Variants in ZNF665 observed in about 807,000 individuals in gnomAD.
ZNF665 encodes zinc finger protein 665.
Under a neutral mutation model 7.9 loss-of-function variants are expected in ZNF665, and 6 were observed. The observed-to-expected ratio is 0.76, with a 90% CI of 0.42 to 1.50. ZNF665 has a LOEUF of 1.50. ZNF665 is among the 40% of genes most tolerant of loss of function. ZNF665 has a pLI of 0.01. For synonymous variants in ZNF665, 242 were observed against 274.5 expected, an observed-to-expected ratio of 0.88 and a Z score of 1.17; for missense variants, 819 against 806.7, an observed-to-expected ratio of 1.02 and a Z score of -0.18.
rs780253052 is a variant in ZNF665 at position 53,165,541 on chromosome 19, G to T, written c.949C>A (p.Pro317Thr). The T allele has an allele frequency of 4.3e-6, 7 of 1,614,018 alleles. No homozygotes were observed. Among genetic ancestry groups the T allele is most frequent in the Non-Finnish European group, 5.9e-6 (7 of 1,180,012 alleles). The change falls in exon 4 of 4, where the codon CCT becomes ACT. Residue 317 changes from proline to threonine, a missense_variant. Transcript: ENST00000396424. ...SHRRIHTGEK[P>T]YKCNECGKAF... ...TTGCCACACTCATTACACTTGTAAG[G>T]CTTCTCCCCAGTATGAATTCTTCGA...
At chr19:53,176,025 G>T (rs950328562) in intron 2 of ZNF665, among the ~76,000 whole-genome samples, 2 of 152,122 alleles carry the variant, frequency 1.3e-5, no homozygotes. Flanking sequence ...GCCGGGCATG[G>T]TGGTGCGTAC....
chr19:53,165,494 G>C lies in ZNF665; in HGVS notation c.996C>G (p.Ser332Arg), dbSNP rs759078581. ...TGTGGATTGTCTGATGGGTAGTCAG[G>C]CTTGAGCGAACACTAAAGGCTTTGC... ...ECGKAFSVRS[S>R]LTTHQTIHTG... Residue 332 changes from serine to arginine, a missense_variant, in exon 4 of 4, where the codon AGC becomes AGG. By Grantham distance (110) the Ser-to-Arg change is moderately radical. Coordinates refer to ENST00000396424, the MANE Select transcript of ZNF665 (RefSeq NM_024733.5). The C allele has an allele frequency of 9.3e-6, 15 of 1,613,706 alleles. No homozygotes were observed. The highest frequency in any genetic ancestry group is 1.3e-5 in the Non-Finnish European group (15 of 1,179,884).
chr19:53,174,899 C>T (rs1246251842), intron 3 of ZNF665, among the ~76,000 whole-genome samples: 4 of 145,716 alleles, frequency 2.7e-5, no homozygotes, highest in Non-Finnish European at 4.5e-5. Flanking sequence ...GATCCGAGAT[C>T]GTGCCATTGC....
intron 1 of ZNF665, among the ~76,000 whole-genome samples, chr19:53,184,521 C>T (rs2090762153): frequency 6.6e-6 from 1 of 152,048 alleles, no homozygotes; most frequent in Admixed American, 6.6e-5. Context: ...GAGGAGACAA[C>T]TGGACAAAGG....
chr19:53,185,490 A>G (rs2090771461), intron 1 of ZNF665, among the ~76,000 whole-genome samples: 4 of 152,080 alleles, frequency 2.6e-5, no homozygotes, highest in Admixed American at 2.6e-4. Context: ...GCTACAAACA[A>G]ATGATTAATG....
In ZNF665 at chr19:53,165,252, TG is replaced by T. The variant is rs1364713337; in HGVS notation, c.1237del (p.Gln413SerfsTer5). The stretch of plus-strand genomic sequence containing the variant: ...TCGATGATTTGCTAAGTGTGAATAC[TG>T]AGTGAAAACCTTGACGCATTCATTA... ...KCNECVKVFT[Q>X]YSHLANHRRI... On this transcript the variant is annotated frameshift_variant, in exon 4 of 4. Coordinates refer to ENST00000396424, the MANE Select transcript of ZNF665 (RefSeq NM_024733.5). LOFTEE classifies it low-confidence loss of function (END_TRUNC). 10 of 1,614,144 alleles carry T rather than the reference TG, an allele frequency of 6.2e-6. No homozygotes were observed. The highest frequency in any genetic ancestry group is 8.5e-6 in the Non-Finnish European group (10 of 1,180,020).
chr19:53,182,710 T>G, intron 2 of ZNF665, 174 bp downstream of exon 2: 1 of 1,239,444 alleles, frequency 8.1e-7, no homozygotes, highest in East Asian at 2.4e-5. Context: ...TTCATGTCAC[T>G]GGGTCACCAG....
chr19:53,169,394 G>C lies in ZNF665; in HGVS notation c.143-3047C>G, dbSNP rs529966127. ...TTAGAAAGGCTGGAATTTAAAACTAGCAATACCAAGTGTTAACAAGGATGT... is the reference window on the plus strand; with the variant it reads ...TTAGAAAGGCTGGAATTTAAAACTACCAATACCAAGTGTTAACAAGGATGT... On this transcript the variant is annotated intron_variant, in intron 3 of 3. Transcript: ENST00000396424. Among the ~76,000 whole-genome samples, 261 of 151,256 alleles carry C rather than the reference G, an allele frequency of 1.7e-3. 1 individual carries two copies. Among genetic ancestry groups the C allele is most frequent in the Middle Eastern group, 0.01 (3 of 292 alleles).
At chr19:53,169,086 A>C (rs949870808) in intron 3 of ZNF665, among the ~76,000 whole-genome samples, 1 of 152,150 alleles carries the variant, frequency 6.6e-6, no homozygotes, top group African/African-American at 2.4e-5. Context: ...AAAAGAAAAA[A>C]AAGAATTAAT....
intron 1 of ZNF665, among the ~76,000 whole-genome samples, chr19:53,189,341 A>G (rs56254432): frequency 0.079 from 12,003 of 151,228 alleles, 1,253 homozygotes; most frequent in African/African-American, 0.24. Flanking sequence ...CCACCAATGC[A>G]CGGAGACCGG....
At chr19:53,177,396 G>A (rs1461700230) in intron 2 of ZNF665, among the ~76,000 whole-genome samples, 2 of 151,944 alleles carry the variant, frequency 1.3e-5, no homozygotes, top group Admixed American at 6.6e-5. Context: ...TCAGGAGTTC[G>A]AGACCAACCT....
At chr19:53,191,019 A>T (rs1194656208) in intron 1 of ZNF665, among the ~76,000 whole-genome samples, 1 of 138,516 alleles carries the variant, frequency 7.2e-6, no homozygotes, top group Non-Finnish European at 1.5e-5. Flanking sequence ...GCAAATTAAT[A>T]GCACCTCAGG....
chr19:53,174,950 AAAAAAAAAAAAGAAAGAAAAGAAAGAAAG>A lies in ZNF665; in HGVS notation c.142+466_142+494del, dbSNP rs2090685148. 4.7e-5 allele frequency among the ~76,000 whole-genome samples: 7 copies of A among 150,138 alleles called. No individual in the cohort carries two copies. In the South Asian group the frequency reaches 1.5e-3, roughly 31 times the overall value. On this transcript the variant is annotated intron_variant, in intron 3 of 3. Coordinates refer to ENST00000396424, the MANE Select transcript of ZNF665 (RefSeq NM_024733.5). ...ACAAGGGTGAAACTCCGTCTCAAAA[AAAAAAAAAAAAGAAAGAAAAGAAAGAAAG>A]AAAAAAAAAAAGAAATATAATGTGC...
intron 1 of ZNF665, among the ~76,000 whole-genome samples, chr19:53,184,042 G>A (rs2090758391): frequency 6.6e-6 from 1 of 152,122 alleles, no homozygotes. Context: ...TTGAGCTCAG[G>A]AGTTTGAGAC....
In ZNF665 at chr19:53,165,146, A is replaced by C. The variant is rs200870552; in HGVS notation, c.1344T>G (p.His448Gln). 302 of 1,613,996 alleles carry C rather than the reference A, an allele frequency of 1.9e-4. 1 individual carries two copies. The highest frequency in any genetic ancestry group is 8.2e-4 in the Middle Eastern group (5 of 6,084). Residue 448 changes from histidine to glutamine, a missense_variant, in exon 4 of 4, where the codon CAT (histidine) becomes CAG (glutamine). His to Gln is a conservative substitution (Grantham distance 24, BLOSUM62 0). Transcript: ENST00000396424. ...AFSVRSSLTT[H>Q]QAIHTGEKPY... ...GCTTTTCTCCAGTATGAATTGCCTG[A>C]TGGGTAGTTAGGCTTGATCGCACAC...
At chr19:53,175,334 A>G (rs1449738244) in intron 3 of ZNF665, 111 bp downstream of exon 3, 4 of 1,351,414 alleles carry the variant, frequency 3.0e-6, no homozygotes, top group African/African-American at 3.0e-5. Flanking sequence ...TTATGAGTCA[A>G]CAGGACATCA....
At chr19:53,166,446 T>C (rs771016053) in intron 3 of ZNF665, 99 bp from the exon 4 acceptor site, 60 of 1,094,338 alleles carry the variant, frequency 5.5e-5, no homozygotes, top group Non-Finnish European at 6.9e-5. Context: ...GTAATAGTTA[T>C]GTTGAACAGA....
intron 1 of ZNF665, among the ~76,000 whole-genome samples, chr19:53,190,582 C>T (rs2090809429): frequency 6.6e-6 from 1 of 152,184 alleles, no homozygotes; most frequent in African/African-American, 2.4e-5. Flanking sequence ...TAACCCCTTC[C>T]TTGGATTCAA....
chr19:53,164,422 G>A lies in ZNF665; in HGVS notation c.*31C>T. 1 of 1,498,896 alleles carries A rather than the reference G, an allele frequency of 6.7e-7. No individual in the cohort carries two copies. Among genetic ancestry groups the A allele is most frequent in the Admixed American group, 2.3e-5 (1 of 43,742 alleles). 92.8% of individuals were successfully genotyped at this position (1,498,896 alleles called of 1,614,324 possible). On this transcript the variant is annotated 3_prime_UTR_variant, in exon 4 of 4. Transcript: ENST00000396424. The stretch of plus-strand genomic sequence containing the variant: ...CAAAGTGCTGGGATTACAGGCGTGA[G>A]CCACCACGCCCGGCGTCCTTTGTAA...
Sources: gnomAD v4.1 joint callset for allele counts (sites outside exome capture counted in the v4.1 genomes callset) on GRCh38, gnomAD v4.1.1 for gene constraint, MANE v1.5 for transcripts, NCBI Gene and HGNC (gene_info 2026-07-23, HGNC 2026-07-21) for gene names.